The following PDE4B variants were observed in gnomAD, a reference collection of about 807,000 sequenced individuals.
PDE4B encodes the protein phosphodiesterase 4B.
PDE4B carries 20 observed loss-of-function variants against 82.2 expected under a neutral mutation model. The ratio of observed to expected loss-of-function variants is 0.24; its 90% CI spans 0.17 to 0.35. The LOEUF is 0.35. PDE4B is among the 10% of genes least tolerant of loss of function. The pLI is 1.00. For synonymous variants in PDE4B, 320 were observed against 318.9 expected (o/e 1.00, Z -0.04); for missense variants, 655 against 907.2 (o/e 0.72, Z 3.57).
intron 8 of PDE4B, among the ~76,000 whole-genome samples, chr1:66,339,180 T>C (rs904896384): frequency 1.3e-5 from 2 of 152,244 alleles, no homozygotes; most frequent in African/African-American, 4.8e-5. Context: ...AGGGAAATTT[T>C]TGGAAGTAAC....
At chr1:66,093,035 CTT>C (rs1645054079) in intron 3 of PDE4B, among the ~76,000 whole-genome samples, 1 of 152,010 alleles carries the variant, frequency 6.6e-6, no homozygotes, top group African/African-American at 2.4e-5. Flanking sequence ...TCACCTAAGA[CTT>C]TGATCTGAGG....
intron 3 of PDE4B, among the ~76,000 whole-genome samples, chr1:66,044,941 A>G (rs947394997): frequency 2.6e-5 from 4 of 151,844 alleles, no homozygotes; most frequent in Non-Finnish European, 5.9e-5. Flanking sequence ...CTGGTCCTAG[A>G]TTTAACAAAC....
At chr1:66,121,625 G>A (rs976330934) in intron 3 of PDE4B, among the ~76,000 whole-genome samples, 1 of 152,134 alleles carries the variant, frequency 6.6e-6, no homozygotes, top group Non-Finnish European at 1.5e-5. Flanking sequence ...TCTGAGTTTC[G>A]AGGTAGAAAA....
chr1:65,814,310 A>G (rs76510729), intron 1 of PDE4B, among the ~76,000 whole-genome samples: 1 of 152,190 alleles, frequency 6.6e-6, no homozygotes, highest in Non-Finnish European at 1.5e-5. Context: ...ATATGTACAT[A>G]TGTTTAGATG....
intron 7 of PDE4B, chr1:66,266,899 C>T (rs1344895119): frequency 3.2e-6 from 1 of 317,104 alleles, no homozygotes; most frequent in Non-Finnish European, 6.3e-6. Flanking sequence ...GATGAACTCA[C>T]ACTGAGATCA....
intron 7 of PDE4B, among the ~76,000 whole-genome samples, chr1:66,298,307 G>A (rs1354897957): frequency 6.6e-6 from 1 of 152,050 alleles, no homozygotes; most frequent in Non-Finnish European, 1.5e-5. Context: ...AAGTGGAAAT[G>A]GGAGAAAAGG....
chr1:66,216,547 C>G (rs1650479505), intron 3 of PDE4B, among the ~76,000 whole-genome samples: 1 of 152,132 alleles, frequency 6.6e-6, no homozygotes, highest in South Asian at 2.1e-4. Context: ...CCTAGCCAAA[C>G]AGTCTTTAAA....
chr1:66,096,473 C>A (rs907046792), intron 3 of PDE4B, among the ~76,000 whole-genome samples: 1 of 129,062 alleles, frequency 7.7e-6, no homozygotes. Context: ...TGAAATGGGG[C>A]TAGTCCTAAT....
chr1:66,187,108 T>C (rs1426422518), intron 3 of PDE4B, among the ~76,000 whole-genome samples: 1 of 152,242 alleles, frequency 6.6e-6, no homozygotes, highest in Non-Finnish European at 1.5e-5. Context: ...TTTTGGTCGT[T>C]GGTTCTGTTT....
intron 7 of PDE4B, among the ~76,000 whole-genome samples, chr1:66,324,209 C>T (rs1321567823): frequency 2.0e-5 from 3 of 152,092 alleles, no homozygotes; most frequent in Non-Finnish European, 1.5e-5. Flanking sequence ...AAACTTAGAC[C>T]ATTTATTTAT....
chr1:66,286,752 G>T (rs567912208), intron 7 of PDE4B, among the ~76,000 whole-genome samples: 2 of 152,270 alleles, frequency 1.3e-5, no homozygotes. Flanking sequence ...GGGGTCGTGA[G>T]GGAGCTTCCT....
chr1:66,240,086 G>A (rs1347478159), intron 3 of PDE4B, among the ~76,000 whole-genome samples: 2 of 152,198 alleles, frequency 1.3e-5, no homozygotes, highest in Non-Finnish European at 2.9e-5. Context: ...GTATTTGGTA[G>A]CACATCCCCA....
At chr1:66,085,341 C>A (rs1656952669) in intron 3 of PDE4B, among the ~76,000 whole-genome samples, 2 of 152,124 alleles carry the variant, frequency 1.3e-5, no homozygotes, top group African/African-American at 4.8e-5. Context: ...GGACACAGAG[C>A]AATTTTAGTG....
intron 3 of PDE4B, among the ~76,000 whole-genome samples, chr1:66,181,118 T>C (rs1467329516): frequency 1.3e-5 from 2 of 152,188 alleles, no homozygotes. Context: ...AATCTAGTCA[T>C]GGTAGAAAGT....
chr1:66,225,966 C>A (rs537514896), intron 3 of PDE4B, among the ~76,000 whole-genome samples: 67 of 152,322 alleles, frequency 4.4e-4, no homozygotes, highest in African/African-American at 1.5e-3. Flanking sequence ...AGGGCAAACA[C>A]TTGCTTATGT....
intron 3 of PDE4B, among the ~76,000 whole-genome samples, chr1:66,008,412 C>A (rs1652278656): frequency 6.6e-6 from 1 of 152,044 alleles, no homozygotes; most frequent in South Asian, 2.1e-4. Context: ...TATCTGTGTA[C>A]CTGGTTAAGG....
At chr1:66,107,183 A>G (rs541227420) in intron 3 of PDE4B, among the ~76,000 whole-genome samples, 2 of 151,684 alleles carry the variant, frequency 1.3e-5, no homozygotes, top group East Asian at 3.9e-4. Flanking sequence ...TTCTGCCTTC[A>G]TTTTGTTATG....
chr1:65,987,964 T>C (rs1314393454), intron 3 of PDE4B, among the ~76,000 whole-genome samples: 1 of 152,224 alleles, frequency 6.6e-6, no homozygotes, highest in Non-Finnish European at 1.5e-5. Context: ...TTACAAATAA[T>C]GTACATTTGG....
chr1:66,054,509 A>G (rs977126443), intron 3 of PDE4B, among the ~76,000 whole-genome samples: 10 of 152,164 alleles, frequency 6.6e-5, no homozygotes, highest in Admixed American at 3.3e-4. Context: ...TGTGCTCTTT[A>G]AAAGTTGTTA....
Sources: gnomAD v4.1 joint callset for allele counts (sites outside exome capture counted in the v4.1 genomes callset) on GRCh38, gnomAD v4.1.1 for gene constraint, MANE v1.5 for transcripts, NCBI Gene and HGNC (gene_info 2026-07-23, HGNC 2026-07-21) for gene names.